CSRP2: variants seen among roughly 807,000 people sequenced by gnomAD.
The protein encoded by CSRP2 is cysteine and glycine rich protein 2.
A neutral mutation model predicts 24.6 loss-of-function variants in CSRP2; 18 were observed. The ratio of observed to expected loss-of-function variants is 0.73; its 90% CI spans 0.51 to 1.09. CSRP2 has a LOEUF of 1.09. CSRP2 is among the 50% of genes least tolerant of loss of function. The pLI, the probability that CSRP2 is intolerant of heterozygous loss-of-function variation, is 0.00. For synonymous variants in CSRP2, 87 were observed against 84.3 expected (o/e 1.03, Z -0.18); for missense variants, 215 against 239.4 (o/e 0.90, Z 0.67).
chr12:76,864,383 A>G (rs1246929064), intron 2 of CSRP2: 4 of 152,214 alleles, frequency 2.6e-5, no homozygotes, highest in Non-Finnish European at 5.9e-5. Flanking sequence ...GTGTAAAAAT[A>G]TAGTTAGAAT....
intron 1 of CSRP2, among the ~76,000 whole-genome samples, chr12:76,873,074 C>A (rs1294759539): frequency 6.6e-6 from 1 of 152,138 alleles, no homozygotes; most frequent in Non-Finnish European, 1.5e-5. Context: ...GTTATCTGCC[C>A]TGAAACTAAA....
intron 1 of CSRP2, among the ~76,000 whole-genome samples, chr12:76,866,472 A>ATTT (rs34861040): frequency 6.7e-6 from 1 of 149,912 alleles, no homozygotes. Context: ...CGTGCACAAG[A>ATTT]TTTTTTTTTT....
Position 76,863,296 on chromosome 12 carries a change from T to C in CSRP2, c.161A>G (p.Glu54Gly). Residue 54 changes from glutamate to glycine, a missense_variant, in exon 3 of 6, where the codon GAA becomes GGA. Transcript: ENST00000311083. ...GTAGCAGGATTTGCAGTAGATCTCT[T>C]CATCGTGAATTGCCACTGTTGTGCT... The part of the protein sequence containing the change: ...LDSTTVAIHD[E>G]EIYCKSCYGK... The C allele has an allele frequency of 6.2e-7, 1 of 1,614,248 alleles. No individual in the cohort carries two copies. The highest frequency in any genetic ancestry group is 2.2e-5 in the East Asian group (1 of 44,888).
At chr12:76,871,124 C>T (rs1472845332) in intron 1 of CSRP2, among the ~76,000 whole-genome samples, 2 of 151,968 alleles carry the variant, frequency 1.3e-5, no homozygotes, top group Non-Finnish European at 2.9e-5. Context: ...TTAACTCCAC[C>T]GTTATAATAG....
At chr12:76,866,755 G>T (rs865774822) in intron 1 of CSRP2, among the ~76,000 whole-genome samples, 3 of 152,094 alleles carry the variant, frequency 2.0e-5, no homozygotes, top group African/African-American at 7.2e-5. Context: ...GCTATAACAC[G>T]CTTTCTAGGG....
chr12:76,859,280 TTGTC>T (rs1361319998), intron 5 of CSRP2, among the ~76,000 whole-genome samples: 3 of 152,184 alleles, frequency 2.0e-5, no homozygotes, highest in Non-Finnish European at 4.4e-5. Flanking sequence ...AGGTATGTAT[TTGTC>T]TGTTTTCTTC....
At chr12:76,863,492 A>T in intron 2 of CSRP2, 148 bp from the exon 3 acceptor site, 1 of 709,830 alleles carries the variant, frequency 1.4e-6, no homozygotes, top group South Asian at 2.0e-5. Flanking sequence ...AAAAGCCATG[A>T]GACAGCATCT....
At chr12:76,867,670 C>T (rs1953748743) in intron 1 of CSRP2, among the ~76,000 whole-genome samples, 1 of 152,174 alleles carries the variant, frequency 6.6e-6, no homozygotes, top group South Asian at 2.1e-4. Context: ...TTTGAGCTTC[C>T]TTCTGTAGAG....
intron 1 of CSRP2, among the ~76,000 whole-genome samples, chr12:76,871,759 G>A (rs1484890373): frequency 6.5e-5 from 4 of 61,072 alleles, no homozygotes; most frequent in South Asian, 8.2e-4. Flanking sequence ...GCAAGACTCC[G>A]ACTCAAAAAA....
chr12:76,868,639 T>G (rs1166870062), intron 1 of CSRP2, among the ~76,000 whole-genome samples: 1 of 152,316 alleles, frequency 6.6e-6, no homozygotes, highest in East Asian at 1.9e-4. Flanking sequence ...ACATTTACCA[T>G]AGATGATTTG....
At chr12:76,860,144 A>G (rs1953660701) in intron 4 of CSRP2, 140 bp downstream of exon 4, 2 of 877,374 alleles carry the variant, frequency 2.3e-6, no homozygotes, top group South Asian at 4.6e-5. Flanking sequence ...AATGATTCTG[A>G]TGGAAATGCA....
At chr12:76,869,499 G>C (rs542692308) in intron 1 of CSRP2, among the ~76,000 whole-genome samples, 1 of 146,302 alleles carries the variant, frequency 6.8e-6, no homozygotes, top group African/African-American at 2.5e-5. Context: ...AAGTCATTTG[G>C]AATTGGAGCT....
chr12:76,875,522 A>G (rs1265973016), intron 1 of CSRP2, among the ~76,000 whole-genome samples: 1 of 152,188 alleles, frequency 6.6e-6, no homozygotes. Context: ...GTGCAAAACT[A>G]CAAGTTATTT....
intron 3 of CSRP2, chr12:76,861,748 G>C (rs184361330): frequency 6.6e-6 from 1 of 152,188 alleles, no homozygotes; most frequent in East Asian, 1.9e-4. Flanking sequence ...TCAAATCCTG[G>C]CTCCCTCACT....
At chr12:76,871,805 A>G (rs1308440775) in intron 1 of CSRP2, among the ~76,000 whole-genome samples, 1 of 151,334 alleles carries the variant, frequency 6.6e-6, no homozygotes, top group Non-Finnish European at 1.5e-5. Flanking sequence ...TCAAATTTGC[A>G]CTTTTAGGCT....
At chr12:76,860,526 G>T in intron 3 of CSRP2, 113 bp from the exon 4 acceptor site, 1 of 1,309,874 alleles carries the variant, frequency 7.6e-7, no homozygotes, top group Non-Finnish European at 1.0e-6. Context: ...CCTCAAAGCT[G>T]GAAGCCTTTG....
chr12:76,873,079 A>G (rs943674082), intron 1 of CSRP2, among the ~76,000 whole-genome samples: 1 of 152,208 alleles, frequency 6.6e-6, no homozygotes, highest in Non-Finnish European at 1.5e-5. Context: ...CTGCCCTGAA[A>G]CTAAAAGTTT....
intron 1 of CSRP2, among the ~76,000 whole-genome samples, chr12:76,871,574 TC>T (rs1953797985): frequency 6.6e-6 from 1 of 152,032 alleles, no homozygotes; most frequent in African/African-American, 2.4e-5. Flanking sequence ...ATCAAGACCA[TC>T]CTGGCTAACA....
chr12:76,864,953 G>C (rs1953720145), intron 2 of CSRP2: 1 of 152,306 alleles, frequency 6.6e-6, no homozygotes. Flanking sequence ...ACCAAAACAA[G>C]TGTAGGTATA....
Sources: allele counts gnomAD v4.1 joint callset (sites outside exome capture counted in the v4.1 genomes callset), GRCh38; gene constraint gnomAD v4.1.1; transcripts MANE v1.5; gene names NCBI Gene and HGNC (gene_info 2026-07-23, HGNC 2026-07-21).